The following TTN variants were observed in gnomAD, a reference collection of about 807,000 sequenced individuals.
TTN encodes titin, also known as connectin.
A neutral mutation model predicts 3,223.0 loss-of-function variants in TTN; 1,525 were observed. That is an observed-to-expected ratio of 0.47 (90% confidence interval 0.45 to 0.49). The LOEUF (loss-of-function observed/expected upper bound fraction) is 0.49. TTN is among the 20% of genes least tolerant of loss of function. TTN has a pLI of 0.00. For missense variants in TTN, 40,786 were observed against 43,424.0 expected, an observed-to-expected ratio of 0.94 and a Z score of 5.40; for synonymous variants, 14,094 against 15,161.0, an observed-to-expected ratio of 0.93 and a Z score of 5.17.
rs374713701 is a variant in TTN at position 178,593,660 on chromosome 2, C to A, written c.58640G>T (p.Gly19547Val). Residue 19547 changes from glycine (G) to valine (V), a missense_variant, in exon 298 of 363, where the codon GGA (glycine) becomes GTA (valine). Coordinates refer to ENST00000589042, the MANE Select transcript of TTN (RefSeq NM_001267550.2). ...TTCKVSKLLEGKDYIFRIHAE... is the reference protein window; with the variant it reads ...TTCKVSKLLEVKDYIFRIHAE... ...ATGTATCCGGAAAATATAATCTTTT[C>A]CTTCAAGTAGTTTAGAAACTTTGCA... 2.5e-6 allele frequency: 4 copies of A among 1,613,064 alleles called. No individual in the cohort carries two copies. The African/African-American group carries it at 5.3e-5, about 22-fold the overall frequency.
Position 178,579,052 on chromosome 2 carries a change from C to T in TTN, c.67978G>A (p.Ala22660Thr). The change falls in exon 320 of 363, where the codon GCC becomes ACC. Residue 22660 changes from alanine (A) to threonine (T), a missense_variant. Coordinates refer to ENST00000589042, the MANE Select transcript of TTN (RefSeq NM_001267550.2). ...GGAGGAGCCCACTTTAAGGTCATGGCTTCTGCTGTGACTTCATCAAATTTG... is the reference window on the plus strand; with the variant it reads ...GGAGGAGCCCACTTTAAGGTCATGGTTTCTGCTGTGACTTCATCAAATTTG... ...PIKFDEVTAE[A>T]MTLKWAPPKD... 1 of 1,613,274 alleles carries T rather than the reference C, an allele frequency of 6.2e-7. No homozygotes were observed. The highest frequency in any genetic ancestry group is 8.5e-7 in the Non-Finnish European group (1 of 1,179,510).
Position 178,557,456 on chromosome 2 carries a change from A to G in TTN, c.87806T>C (p.Val29269Ala). 1.2e-6 allele frequency: 2 copies of G among 1,613,940 alleles called. No individual in the cohort carries two copies. The highest frequency in any genetic ancestry group is 2.7e-5 in the African/African-American group (2 of 75,056). ...HEPVSNGGSA[V>A]VGYHLEMKDR... Reference sequence around the variant, plus strand: ...TTTCATTTCCAGGTGATAGCCTACGACTGCACTGCCTCCATTTGACACTGG... The same window carrying G: ...TTTCATTTCCAGGTGATAGCCTACGGCTGCACTGCCTCCATTTGACACTGG... Residue 29269 changes from valine (V) to alanine (A), a missense_variant, in exon 329 of 363, where the codon GTC (valine) becomes GCC (alanine). Coordinates refer to ENST00000589042, the MANE Select transcript of TTN (RefSeq NM_001267550.2).
Position 178,621,550 on chromosome 2 carries a change from C to T in TTN, c.45274G>A (p.Ala15092Thr), listed in dbSNP as rs760392307. 1.6e-5 allele frequency: 26 copies of T among 1,612,368 alleles called. No homozygotes were observed. Among genetic ancestry groups the T allele is most frequent in the Admixed American group, 1.7e-5 (1 of 59,810 alleles). ...GRKRILVIQN[A>T]HLEDAGNYNC... ...TAGTTGCCAGCATCCTCAAGGTGAGCGTTCTGAATGACCAGGATTCTCTTC... is the reference window on the plus strand; with the variant it reads ...TAGTTGCCAGCATCCTCAAGGTGAGTGTTCTGAATGACCAGGATTCTCTTC... The change falls in exon 245 of 363, where the codon GCT becomes ACT. Residue 15092 changes from alanine (A) to threonine (T), a missense_variant. Physicochemically the swap from Ala to Thr is moderately conservative, Grantham distance 58. Coordinates refer to ENST00000589042, the MANE Select transcript of TTN (RefSeq NM_001267550.2).
At position 178,612,836 on chromosome 2, in the gene TTN, T is replaced by C; in HGVS notation, c.49885A>G (p.Asn16629Asp). The stretch of plus-strand genomic sequence containing the variant: ...CTGGGTTCACTTTCCCCAGCCTTAT[T>C]CACAGCTCTAACTCGGAATGAGTAT... ...QEYSFRVRAV[N>D]KAGESEPSEP... The change falls in exon 265 of 363, where the codon AAT (asparagine) becomes GAT (aspartate). Residue 16629 changes from asparagine (N) to aspartate (D), a missense_variant. Transcript: ENST00000589042. The C allele has an allele frequency of 6.2e-7, 1 of 1,612,546 alleles. No homozygotes were observed. Among genetic ancestry groups the C allele is most frequent in the Non-Finnish European group, 8.5e-7 (1 of 1,179,216 alleles).
At chr2:178,558,798 C>A in intron 326 of TTN, 161 bp from the exon 327 acceptor site, 1 of 728,116 alleles carries the variant, frequency 1.4e-6, no homozygotes, top group Non-Finnish European at 2.2e-6. Flanking sequence ...CTGAACCAAC[C>A]AAGGCTCCCA....
chr2:178,583,545 A>G (rs2048257611), intron 312 of TTN, 62 bp downstream of exon 312: 1 of 1,432,328 alleles, frequency 7.0e-7, no homozygotes, highest in Admixed American at 2.9e-5. Context: ...GTTTTTTATT[A>G]GGAAAAATGA....
rs1450682516 is a variant in TTN at position 178,597,768 on chromosome 2, T to A, written c.57314A>T (p.His19105Leu). Residue 19105 changes from histidine (H) to leucine (L), a missense_variant, in exon 294 of 363, where the codon CAT (histidine) becomes CTT (leucine). His to Leu is a moderately conservative substitution (Grantham distance 99). Coordinates refer to ENST00000589042, the MANE Select transcript of TTN (RefSeq NM_001267550.2). Reference protein sequence around the residue: ...DASVRDRIVVHAGGVIRIIAY... With the variant: ...DASVRDRIVVLAGGVIRIIAY... ...AATGATTCGGATCACCCCTCCAGCA[T>A]GGACAACAATTCTATCTCTGACACT... The A allele has an allele frequency of 5.6e-6, 9 of 1,613,122 alleles. No homozygotes were observed. Among genetic ancestry groups the A allele is most frequent in the Non-Finnish European group, 6.8e-6 (8 of 1,179,550 alleles).
chr2:178,796,723 T>C (rs944554536), intron 6 of TTN, among the ~76,000 whole-genome samples: 1 of 152,130 alleles, frequency 6.6e-6, no homozygotes, highest in African/African-American at 2.4e-5. Flanking sequence ...TGGGTTTAAT[T>C]CAAAAAGAGT....
chr2:178,531,803 G>T lies in TTN; in HGVS notation c.104812C>A (p.Leu34938Met), dbSNP rs755726554. The change falls in exon 358 of 363, where the codon CTG (leucine) becomes ATG (methionine). Residue 34938 changes from leucine (L) to methionine (M), a missense_variant. Physicochemically the swap from Leu to Met is conservative, Grantham distance 15. Coordinates refer to ENST00000589042, the MANE Select transcript of TTN (RefSeq NM_001267550.2). The stretch of plus-strand genomic sequence containing the variant: ...AGTGTGATTCGAGGGGCATGGTCCA[G>T]TGTGAAAGGCTGCTGACTCAAAACT... ...YEVLSQQPFT[L>M]DHAPRITLRM... 6.2e-7 allele frequency: 1 copy of T among 1,613,880 alleles called. No individual in the cohort carries two copies. The highest frequency in any genetic ancestry group is 1.3e-5 in the African/African-American group (1 of 74,930).
At chr2:178,746,817 A>G (rs764626258) in intron 47 of TTN, 6 of 1,613,368 alleles carry the variant, frequency 3.7e-6, no homozygotes, top group South Asian at 2.2e-5. Flanking sequence ...GTGTTTTCAT[A>G]TACCTTCCTT....
intron 34 of TTN, 77 bp downstream of exon 34, chr2:178,771,134 C>G (rs929886650): frequency 1.9e-5 from 30 of 1,599,780 alleles, no homozygotes; most frequent in Non-Finnish European, 4.3e-6. Context: ...CCAAAATGGC[C>G]ATATCGTTTG....
intron 49 of TTN, among the ~76,000 whole-genome samples, chr2:178,736,277 C>T (rs546412013): frequency 2.6e-5 from 4 of 152,254 alleles, no homozygotes; most frequent in African/African-American, 7.2e-5. Context: ...CAAGACATCA[C>T]TTTACTTGTC....
chr2:178,684,447 T>A, intron 131 of TTN, 34 bp from the exon 132 acceptor site: 1 of 1,598,442 alleles, frequency 6.3e-7, no homozygotes, highest in Non-Finnish European at 8.5e-7. Flanking sequence ...GGGAGTTATA[T>A]CAAAGTGGAC....
chr2:178,695,871 A>T lies in TTN; in HGVS notation c.31201T>A (p.Tyr10401Asn). The stretch of plus-strand genomic sequence containing the variant: ...TCATTCAGTTTATACATACCTTCAT[A>T]GACCTCCTTTTGAACTTGAATTACT... ...REVIQVQKEV[Y>N]EESHERKVPA... Residue 10401 changes from tyrosine (Y) to asparagine (N), a missense_variant, in exon 114 of 363, where the codon TAT becomes AAT. Coordinates refer to ENST00000589042, the MANE Select transcript of TTN (RefSeq NM_001267550.2). The T allele has an allele frequency of 6.9e-7, 1 of 1,453,336 alleles. No individual in the cohort carries two copies. Among genetic ancestry groups the T allele is most frequent in the Non-Finnish European group, 9.1e-7 (1 of 1,103,516 alleles). The allele number at this position is 1,453,336 out of a possible 1,614,324, so 90.0% of individuals were successfully genotyped here.
chr2:178,557,729 G>A lies in TTN; in HGVS notation c.87625C>T (p.Gln29209Ter). 6.2e-7 allele frequency: 1 copy of A among 1,613,878 alleles called. No homozygotes were observed. The highest frequency in any genetic ancestry group is 1.7e-5 in the Admixed American group (1 of 60,000). Residue 29209 changes from glutamine (Q) to a stop codon, truncating the protein, a stop_gained, in exon 328 of 363, where the codon CAA (glutamine) becomes TAA (stop). Transcript: ENST00000589042. LOFTEE classifies it high-confidence loss of function. ...CGGTTTTCTGCCTTGATGCGGAATTGGTATTCTTCTCCTGTGGTCAGTTTC... is the reference window on the plus strand; with the variant it reads ...CGGTTTTCTGCCTTGATGCGGAATTAGTATTCTTCTCCTGTGGTCAGTTTC... ...VMKLTTGEEY[Q>*]FRIKAENRFG...
intron 222 of TTN, 105 bp from the exon 223 acceptor site, chr2:178,639,893 A>G: frequency 7.0e-7 from 1 of 1,438,684 alleles, no homozygotes; most frequent in Non-Finnish European, 9.5e-7. Context: ...ATCTTCAAAT[A>G]ACTAGTTTTT....
In TTN at chr2:178,587,414, G is replaced by A; in HGVS notation, c.63797C>T (p.Thr21266Ile). 1.9e-6 allele frequency: 3 copies of A among 1,607,702 alleles called. No homozygotes were observed. Among genetic ancestry groups the A allele is most frequent in the Non-Finnish European group, 2.5e-6 (3 of 1,176,914 alleles). ...TTTTAAATCAGACACAGGCCCAGGA[G>A]TGTCTGTAAAGAATCATAAAATCAG... The part of the protein sequence containing the change: ...AVFVNVRVLD[T>I]PGPVSDLKVS... Residue 21266 changes from threonine to isoleucine, a missense_variant, in exon 307 of 363, where the codon ACT becomes ATT. By Grantham distance (89) the Thr-to-Ile change is moderately conservative (BLOSUM62 -1). Transcript: ENST00000589042.
chr2:178,775,772 A>G lies in TTN; in HGVS notation c.6092T>C (p.Leu2031Pro), dbSNP rs886042470. ...GAGAAGTTCATCTTTTGTCTTCCTG[A>G]GGAGTTCCTCATAGGATTCATCCTT... ...RKKDESYEEL[L>P]RKTKDELLHW... The change falls in exon 28 of 363, where the codon CTC becomes CCC. Residue 2031 changes from leucine to proline, a missense_variant. By Grantham distance (98) the Leu-to-Pro change is moderately conservative (BLOSUM62 -3). Coordinates refer to ENST00000589042, the MANE Select transcript of TTN (RefSeq NM_001267550.2). The G allele has an allele frequency of 1.2e-6, 2 of 1,613,748 alleles. No individual in the cohort carries two copies. Among genetic ancestry groups the G allele is most frequent in the Admixed American group, 3.3e-5 (2 of 59,914 alleles).
At position 178,740,849 on chromosome 2, in the gene TTN, G is replaced by T. The variant is rs754452429; in HGVS notation, c.12384C>A (p.Thr4128=). The T allele has an allele frequency of 6.2e-7, 1 of 1,613,792 alleles. No homozygotes were observed. The highest frequency in any genetic ancestry group is 8.5e-7 in the Non-Finnish European group (1 of 1,179,796). Residue 4128 remains threonine (T), a synonymous_variant, in exon 48 of 363, where the codon ACC becomes ACA. Coordinates refer to ENST00000589042, the MANE Select transcript of TTN (RefSeq NM_001267550.2). ...TGCCATTGATGCAAAGAAATTCCCTGGTGCTTTCAGGAGTGAGCTTGTCTT... is the reference window on the plus strand; with the variant it reads ...TGCCATTGATGCAAAGAAATTCCCTTGTGCTTTCAGGAGTGAGCTTGTCTT... The part of the protein sequence containing the change: ...LEQDKLTPES[T]REFLCINGSI...
Sources: allele counts gnomAD v4.1 joint callset (sites outside exome capture counted in the v4.1 genomes callset), GRCh38; gene constraint gnomAD v4.1.1; transcripts MANE v1.5; gene names NCBI Gene and HGNC (gene_info 2026-07-23, HGNC 2026-07-21).